Variants in STAG1 observed in about 807,000 individuals in gnomAD.
The protein encoded by STAG1 is cohesin subunit SA-1.
STAG1 carries 26 observed loss-of-function variants against 170.9 expected under a neutral mutation model. The ratio of observed to expected loss-of-function variants is 0.15; its 90% CI spans 0.11 to 0.21. The LOEUF is 0.21. STAG1 is among the 10% of genes least tolerant of loss of function. The pLI is 1.00. For missense variants in STAG1, 964 were observed against 1,509.5 expected (o/e 0.64, Z 5.99); for synonymous variants, 514 against 497.7 (o/e 1.03, Z -0.44).
chr3:136,699,419 C>T lies in STAG1; in HGVS notation c.-84+52776G>A, dbSNP rs146968702. On this transcript the variant is annotated intron_variant, in intron 1 of 33. Transcript: ENST00000383202. ...TCTTTTCTTTTTTTAAAGACAGGGTCTTGCTCTGTCACCCAGGCTGGAATG... is the reference window on the plus strand; with the variant it reads ...TCTTTTCTTTTTTTAAAGACAGGGTTTTGCTCTGTCACCCAGGCTGGAATG... 3.3e-3 allele frequency among the ~76,000 whole-genome samples: 507 copies of T among 152,184 alleles called. 8 individuals carry two copies. The East Asian group carries it at 0.048, about 14-fold the overall frequency.
chr3:136,690,776 T>G (rs1362716209), intron 1 of STAG1, among the ~76,000 whole-genome samples: 1 of 151,998 alleles, frequency 6.6e-6, no homozygotes, highest in African/African-American at 2.4e-5. Flanking sequence ...TGTGTTGTTA[T>G]GATGTAAATT....
At chr3:136,491,389 T>C (rs1167638961) in intron 9 of STAG1, among the ~76,000 whole-genome samples, 3 of 152,244 alleles carry the variant, frequency 2.0e-5, no homozygotes, top group Non-Finnish European at 4.4e-5. Context: ...CCTTTATTAC[T>C]GTGATCTGGG....
At chr3:136,594,802 C>T (rs1418009568) in intron 4 of STAG1, among the ~76,000 whole-genome samples, 2 of 152,160 alleles carry the variant, frequency 1.3e-5, no homozygotes, top group East Asian at 3.8e-4. Flanking sequence ...CAGAGTCTCA[C>T]TCCCGTTGCC....
intron 16 of STAG1, among the ~76,000 whole-genome samples, chr3:136,429,529 T>G (rs2088233354): frequency 1.3e-5 from 2 of 152,178 alleles, no homozygotes; most frequent in Admixed American, 6.5e-5. Flanking sequence ...TAAATCAACA[T>G]TAGATAATTT....
intron 12 of STAG1, among the ~76,000 whole-genome samples, chr3:136,471,383 T>A (rs1261516539): frequency 1.7e-4 from 26 of 152,058 alleles, no homozygotes; most frequent in Admixed American, 1.6e-3. Flanking sequence ...AGTATATTTT[T>A]AAAATTCATA....
At chr3:136,522,803 G>C (rs1031702396) in intron 6 of STAG1, among the ~76,000 whole-genome samples, 1 of 145,726 alleles carries the variant, frequency 6.9e-6, no homozygotes, top group African/African-American at 2.6e-5. Flanking sequence ...CCACCTATGA[G>C]TGAGAACATG....
chr3:136,681,236 T>C (rs1942323916), intron 1 of STAG1, among the ~76,000 whole-genome samples: 1 of 152,150 alleles, frequency 6.6e-6, no homozygotes, highest in Non-Finnish European at 1.5e-5. Flanking sequence ...AGTATCAAAA[T>C]TCACTGAGGA....
intron 22 of STAG1, among the ~76,000 whole-genome samples, chr3:136,389,998 A>T (rs2086967178): frequency 6.7e-6 from 1 of 150,180 alleles, no homozygotes; most frequent in Non-Finnish European, 1.5e-5. Context: ...CGCCCAACTA[A>T]TTTTTTCTAT....
intron 9 of STAG1, among the ~76,000 whole-genome samples, chr3:136,491,864 C>T (rs1260908223): frequency 2.0e-5 from 3 of 151,232 alleles, no homozygotes; most frequent in Non-Finnish European, 2.9e-5. Context: ...TGGTGGTGCA[C>T]ACCTGTATTC....
At chr3:136,433,706 A>C (rs1313022741) in intron 15 of STAG1, 47 bp from the exon 16 acceptor site, 13 of 1,272,608 alleles carry the variant, frequency 1.0e-5, no homozygotes, top group East Asian at 7.1e-5. Flanking sequence ...GTTTTACAAC[A>C]ACCATGTATT....
At chr3:136,465,028 G>T in intron 12 of STAG1, 40 bp from the exon 13 acceptor site, 1 of 1,444,132 alleles carries the variant, frequency 6.9e-7, no homozygotes, top group African/African-American at 1.4e-5. Flanking sequence ...TAAAGCAAAT[G>T]TTTATTTTCC....
intron 4 of STAG1, among the ~76,000 whole-genome samples, chr3:136,576,957 TAAAG>T (rs1164468092): frequency 6.6e-6 from 1 of 152,208 alleles, no homozygotes; most frequent in Non-Finnish European, 1.5e-5. Flanking sequence ...TGCTTTGGAT[TAAAG>T]ATAGAGCTTA....
intron 23 of STAG1, among the ~76,000 whole-genome samples, chr3:136,371,570 A>C (rs898658855): frequency 6.6e-6 from 1 of 152,222 alleles, no homozygotes; most frequent in Non-Finnish European, 1.5e-5. Flanking sequence ...AGCTTTCTAC[A>C]TATGGCTAGC....
intron 1 of STAG1, among the ~76,000 whole-genome samples, chr3:136,662,310 C>A (rs1346290776): frequency 6.6e-6 from 1 of 152,066 alleles, no homozygotes; most frequent in East Asian, 1.9e-4. Flanking sequence ...TGCCACCATG[C>A]TCACCAAATT....
intron 5 of STAG1, among the ~76,000 whole-genome samples, chr3:136,547,670 T>C (rs1002051399): frequency 1.3e-5 from 2 of 152,164 alleles, no homozygotes; most frequent in African/African-American, 4.8e-5. Flanking sequence ...ATTGCAGAAT[T>C]TTCTTCCTTT....
At chr3:136,349,096 T>C in intron 29 of STAG1, 62 bp downstream of exon 29, 1 of 1,225,866 alleles carries the variant, frequency 8.2e-7, no homozygotes, top group Admixed American at 1.7e-5. Flanking sequence ...CAAAAGATTA[T>C]TTACTACTTT....
intron 1 of STAG1, among the ~76,000 whole-genome samples, chr3:136,669,144 T>C (rs1019914080): frequency 4.6e-5 from 7 of 152,188 alleles, no homozygotes; most frequent in African/African-American, 1.7e-4. Flanking sequence ...CTAGTAACAG[T>C]TGTAGTATTA....
chr3:136,729,926 T>C (rs1182053674), intron 1 of STAG1, among the ~76,000 whole-genome samples: 4 of 136,546 alleles, frequency 2.9e-5, no homozygotes, highest in Admixed American at 8.1e-5. Flanking sequence ...TCTCGCTCTG[T>C]TGCCCGAGCT....
chr3:136,411,525 ATTG>A (rs768660122), intron 21 of STAG1, among the ~76,000 whole-genome samples: 42 of 152,228 alleles, frequency 2.8e-4, no homozygotes, highest in Non-Finnish European at 8.8e-5. Flanking sequence ...GCTAATGATT[ATTG>A]TTGTTACACA....
Sources: gnomAD v4.1 joint callset for allele counts (sites outside exome capture counted in the v4.1 genomes callset) on GRCh38, gnomAD v4.1.1 for gene constraint, MANE v1.5 for transcripts, NCBI Gene and HGNC (gene_info 2026-07-23, HGNC 2026-07-21) for gene names.